Variants in CEP85L observed in about 807,000 individuals in gnomAD.
The protein encoded by CEP85L is centrosomal protein of 85 kDa-like.
CEP85L carries 60 observed loss-of-function variants against 100.3 expected under a neutral mutation model. The observed-to-expected ratio is 0.60, with a 90% CI of 0.49 to 0.74. The LOEUF (loss-of-function observed/expected upper bound fraction) is 0.74, where lower values mean the gene tolerates loss of function less well. Among genes scored for constraint, CEP85L ranks in the 30% least tolerant of loss-of-function variants. The pLI, the probability that CEP85L is intolerant of heterozygous loss-of-function variation, is 0.00. For missense variants in CEP85L, 973 were observed against 936.2 expected (o/e 1.04, Z -0.51); for synonymous variants, 319 against 322.7 (o/e 0.99, Z 0.12).
chr6:118,501,637 C>G, intron 5 of CEP85L: 1 of 630,766 alleles, frequency 1.6e-6, no homozygotes, highest in Non-Finnish European at 3.0e-6. Context: ...AACCAGAGAC[C>G]ACTTATTATA....
intron 1 of CEP85L, among the ~76,000 whole-genome samples, chr6:118,681,060 A>G (rs1304279019): frequency 6.6e-6 from 1 of 152,254 alleles, no homozygotes; most frequent in East Asian, 1.9e-4. Context: ...CTGGGTTGAC[A>G]GTACACAAGA....
At chr6:118,470,503 C>G in intron 11 of CEP85L, 34 bp downstream of exon 11, 1 of 1,311,534 alleles carries the variant, frequency 7.6e-7, no homozygotes, top group South Asian at 1.4e-5. Flanking sequence ...AGTGAATCAT[C>G]CTTTCAAAGC....
intron 2 of CEP85L, among the ~76,000 whole-genome samples, chr6:118,579,422 T>G (rs918243337): frequency 6.6e-6 from 1 of 152,162 alleles, no homozygotes; most frequent in African/African-American, 2.4e-5. Context: ...AATTTTTTTC[T>G]TGCCTGCCTT....
intron 1 of CEP85L, among the ~76,000 whole-genome samples, chr6:118,648,008 C>T (rs2115374333): frequency 6.6e-6 from 1 of 152,306 alleles, no homozygotes; most frequent in South Asian, 2.1e-4. Context: ...AATCCCAGCA[C>T]TTTGGGAGGC....
At chr6:118,641,996 G>C (rs183997554) in intron 1 of CEP85L, among the ~76,000 whole-genome samples, 6 of 152,250 alleles carry the variant, frequency 3.9e-5, no homozygotes, top group African/African-American at 1.4e-4. Flanking sequence ...ATCTGCATAT[G>C]CGAGTTGGAA....
At chr6:118,592,636 A>C (rs146136222) in intron 2 of CEP85L, among the ~76,000 whole-genome samples, 1 of 152,310 alleles carries the variant, frequency 6.6e-6, no homozygotes, top group East Asian at 1.9e-4. Flanking sequence ...AATGGTTGAA[A>C]TATCACCTAC....
At chr6:118,657,484 G>T (rs1325989243), upstream of CEP85L, among the ~76,000 whole-genome samples, 2 of 152,172 alleles carry the variant, frequency 1.3e-5, no homozygotes, top group Non-Finnish European at 2.9e-5. Flanking sequence ...GCTGGGCATG[G>T]TGGCACATGC....
intron 2 of CEP85L, among the ~76,000 whole-genome samples, chr6:118,601,201 T>A (rs1441810124): frequency 3.5e-4 from 53 of 152,330 alleles, no homozygotes; most frequent in African/African-American, 1.2e-3. Context: ...GAAGATCAAA[T>A]GAGTTAACAT....
chr6:118,628,751 T>C (rs1054982712), intron 2 of CEP85L, among the ~76,000 whole-genome samples: 5 of 151,996 alleles, frequency 3.3e-5, no homozygotes, highest in Admixed American at 1.3e-4. Context: ...TCAAAATAGA[T>C]CACAACCCTA....
At chr6:118,609,262 TA>T (rs1219886167) in intron 2 of CEP85L, among the ~76,000 whole-genome samples, 1 of 152,058 alleles carries the variant, frequency 6.6e-6, no homozygotes, top group East Asian at 1.9e-4. Context: ...GGAAACGAAA[TA>T]AAGGGAGACT....
At chr6:118,675,142 A>G (rs1776441900) in intron 1 of CEP85L, among the ~76,000 whole-genome samples, 1 of 149,804 alleles carries the variant, frequency 6.7e-6, no homozygotes, top group South Asian at 2.1e-4. Context: ...ATTATTCAGC[A>G]ATAAAAATGG....
intron 3 of CEP85L, among the ~76,000 whole-genome samples, chr6:118,555,312 C>T (rs1384533019): frequency 2.0e-5 from 3 of 151,702 alleles, no homozygotes; most frequent in Non-Finnish European, 4.4e-5. Context: ...CCTGTAGTCC[C>T]AGCTACTCGG....
intron 2 of CEP85L, among the ~76,000 whole-genome samples, chr6:118,567,237 GTGTGTGTGTGTGTATATATATATA>G (rs775553509): frequency 0.13 from 11,371 of 86,190 alleles, 479 homozygotes; most frequent in Middle Eastern, 0.23. Flanking sequence ...GTGTGTGTGT[GTGTGTGTGTGTGTATATATATATA>G]TATATATATA....
intron 1 of CEP85L, among the ~76,000 whole-genome samples, chr6:118,634,135 T>C (rs918589686): frequency 2.6e-5 from 4 of 152,236 alleles, no homozygotes; most frequent in Middle Eastern, 3.2e-3. Context: ...TGAAAGAAGA[T>C]AGCTTTACAG....
chr6:118,645,077 G>A (rs1775094353), intron 1 of CEP85L, among the ~76,000 whole-genome samples: 1 of 152,148 alleles, frequency 6.6e-6, no homozygotes, highest in African/African-American at 2.4e-5. Context: ...ATTATTATCA[G>A]GCCTTCCTCA....
At chr6:118,542,900 CAAAAA>C (rs71012391) in intron 3 of CEP85L, among the ~76,000 whole-genome samples, 16 of 67,162 alleles carry the variant, frequency 2.4e-4, no homozygotes, top group South Asian at 6.6e-4. Flanking sequence ...CAAGTTTTCC[CAAAAA>C]AAAAAAAAAA....
intron 3 of CEP85L, chr6:118,538,101 A>G (rs1168267323): frequency 3.8e-6 from 1 of 266,010 alleles, no homozygotes; most frequent in Non-Finnish European, 5.8e-6. Context: ...CTACGTCTTA[A>G]CTAAGCCCAT....
chr6:118,641,474 G>GT (rs1774865614), intron 1 of CEP85L, among the ~76,000 whole-genome samples: 2 of 152,114 alleles, frequency 1.3e-5, no homozygotes, highest in Admixed American at 6.5e-5. Flanking sequence ...TAACATACAG[G>GT]TTAACACTAG....
chr6:118,521,849 A>G (rs1228091870), intron 4 of CEP85L, among the ~76,000 whole-genome samples: 1 of 152,204 alleles, frequency 6.6e-6, no homozygotes, highest in Non-Finnish European at 1.5e-5. Context: ...CCAAATGAGC[A>G]ACTTGAGTTA....
Sources: gnomAD v4.1 joint callset for allele counts (sites outside exome capture counted in the v4.1 genomes callset) on GRCh38, gnomAD v4.1.1 for gene constraint, MANE v1.5 for transcripts, NCBI Gene and HGNC (gene_info 2026-07-23, HGNC 2026-07-21) for gene names.